Variants in CDH12 observed in about 807,000 individuals in gnomAD.
The protein encoded by CDH12 is cadherin-12.
A neutral mutation model predicts 74.1 loss-of-function variants in CDH12; 41 were observed. That is an observed-to-expected ratio of 0.55 (90% CI 0.43 to 0.72). CDH12 has a LOEUF of 0.72. Among genes scored for constraint, CDH12 ranks in the 30% least tolerant of loss-of-function variants. CDH12 has a pLI of 0.00. For synonymous variants in CDH12, 399 were observed against 355.0 expected, an observed-to-expected ratio of 1.12 and a Z score of -1.39; for missense variants, 945 against 977.2, an observed-to-expected ratio of 0.97 and a Z score of 0.44.
chr5:22,645,396 G>C (rs1739385104), intron 1 of CDH12, among the ~76,000 whole-genome samples: 1 of 152,080 alleles, frequency 6.6e-6, no homozygotes, highest in Non-Finnish European at 1.5e-5. Context: ...AATTAGAAGT[G>C]AAGCTGAATG....
intron 5 of CDH12, among the ~76,000 whole-genome samples, chr5:22,015,124 G>A (rs961634564): frequency 6.6e-6 from 1 of 152,168 alleles, no homozygotes; most frequent in African/African-American, 2.4e-5. Context: ...TAATTGTGAA[G>A]CAATCAGTTT....
chr5:22,472,359 C>T (rs1000945794), intron 2 of CDH12, among the ~76,000 whole-genome samples: 1 of 152,082 alleles, frequency 6.6e-6, no homozygotes, highest in Non-Finnish European at 1.5e-5. Flanking sequence ...GATGAGTCTG[C>T]AGATCCTTCC....
intron 1 of CDH12, among the ~76,000 whole-genome samples, chr5:22,836,122 G>A (rs1274354911): frequency 6.6e-6 from 1 of 151,098 alleles, no homozygotes; most frequent in African/African-American, 2.4e-5. Context: ...TAGTGCAAGA[G>A]GATTTGGACA....
intron 1 of CDH12, among the ~76,000 whole-genome samples, chr5:22,662,359 G>T (rs1419224752): frequency 6.6e-6 from 1 of 152,128 alleles, no homozygotes; most frequent in Non-Finnish European, 1.5e-5. Flanking sequence ...GTGGAGTGGA[G>T]GCTGCCTGGA....
chr5:22,745,402 C>A (rs1158630474), intron 1 of CDH12, among the ~76,000 whole-genome samples: 1 of 152,072 alleles, frequency 6.6e-6, no homozygotes, highest in Admixed American at 6.5e-5. Flanking sequence ...TTTGACCCAG[C>A]AATCCTGTTA....
At chr5:22,187,643 C>A (rs1174015879) in intron 4 of CDH12, among the ~76,000 whole-genome samples, 2 of 143,922 alleles carry the variant, frequency 1.4e-5, no homozygotes, top group Non-Finnish European at 3.0e-5. Context: ...AGAACATCGA[C>A]CTTGAAAGAG....
chr5:21,819,589 C>A (rs1331075279), intron 8 of CDH12, among the ~76,000 whole-genome samples: 6 of 151,810 alleles, frequency 4.0e-5, no homozygotes, highest in African/African-American at 7.3e-5. Flanking sequence ...TAGAAAAAGT[C>A]TAAATTTTTT....
At chr5:22,310,162 T>TAAC (rs1191230968) in intron 3 of CDH12, among the ~76,000 whole-genome samples, 6 of 151,282 alleles carry the variant, frequency 4.0e-5, no homozygotes, top group Admixed American at 6.6e-5. Flanking sequence ...AAAACAACAA[T>TAAC]AACAACAACA....
chr5:22,310,149 T>C (rs1399882180), intron 3 of CDH12, among the ~76,000 whole-genome samples: 1 of 151,694 alleles, frequency 6.6e-6, no homozygotes, highest in Non-Finnish European at 1.5e-5. Context: ...TAAAGTATAA[T>C]AAAAAACAAC....
chr5:21,971,692 G>A (rs973781652), intron 6 of CDH12, among the ~76,000 whole-genome samples: 4 of 152,114 alleles, frequency 2.6e-5, no homozygotes, highest in African/African-American at 9.7e-5. Context: ...AGATATTAAA[G>A]AGGGTACATT....
chr5:22,204,254 G>A (rs7444344), intron 4 of CDH12, among the ~76,000 whole-genome samples: 1 of 151,726 alleles, frequency 6.6e-6, no homozygotes, highest in East Asian at 1.9e-4. Context: ...CTCCGCCTCG[G>A]GGTTCACGCC....
At chr5:21,923,912 T>C (rs772468933) in intron 6 of CDH12, among the ~76,000 whole-genome samples, 2 of 152,170 alleles carry the variant, frequency 1.3e-5, no homozygotes, top group Non-Finnish European at 2.9e-5. Flanking sequence ...GGTAAATTAT[T>C]GGAACATGCA....
chr5:22,787,138 CCA>C (rs147255137), intron 1 of CDH12, among the ~76,000 whole-genome samples: 51 of 148,278 alleles, frequency 3.4e-4, no homozygotes, highest in Non-Finnish European at 4.7e-4. Flanking sequence ...CACACACACA[CCA>C]CACACACACA....
rs1490442260 is a variant in CDH12, at chr5:22,566,165, T to C, written c.-522-60801A>G. ...TATCGTAAGGGCCTGTCACCAGGCA[T>C]ACATATTAAAGTAAATACCTGAGAT... On this transcript the variant is annotated intron_variant, in intron 1 of 14. Coordinates refer to ENST00000382254, the MANE Select transcript of CDH12 (RefSeq NM_004061.5). Among the ~76,000 whole-genome samples the C allele has an allele frequency of 2.0e-5, 3 of 152,078 alleles. 1 individual carries two copies. The highest frequency in any genetic ancestry group is 1.5e-5 in the Non-Finnish European group (1 of 68,000).
chr5:22,086,222 C>T (rs935028305), intron 4 of CDH12, among the ~76,000 whole-genome samples: 14 of 152,284 alleles, frequency 9.2e-5, no homozygotes, highest in African/African-American at 2.2e-4. Context: ...ATGATCTTAA[C>T]TTATGGGGTT....
chr5:22,069,809 T>C (rs545235784), intron 5 of CDH12, among the ~76,000 whole-genome samples: 4 of 152,304 alleles, frequency 2.6e-5, no homozygotes, highest in South Asian at 4.1e-4. Flanking sequence ...GCACCCCTTA[T>C]ATTACCTTGC....
chr5:22,547,234 G>C (rs1440107699), intron 1 of CDH12, among the ~76,000 whole-genome samples: 1 of 152,144 alleles, frequency 6.6e-6, no homozygotes, highest in African/African-American at 2.4e-5. Context: ...TGAATGTCCA[G>C]TTCAATATTT....
intron 3 of CDH12, among the ~76,000 whole-genome samples, chr5:22,397,516 G>A (rs1261397): frequency 0.67 from 100,122 of 149,650 alleles, 34,199 homozygotes; most frequent in East Asian, 0.78. Flanking sequence ...ACGTATCATT[G>A]GCTTAATGGA....
intron 3 of CDH12, among the ~76,000 whole-genome samples, chr5:22,276,538 T>C (rs1293993291): frequency 1.3e-5 from 2 of 152,230 alleles, no homozygotes; most frequent in African/African-American, 4.8e-5. Flanking sequence ...ATGTACCATG[T>C]ATGTGATGTG....
Sources: gnomAD v4.1 joint callset for allele counts (sites outside exome capture counted in the v4.1 genomes callset) on GRCh38, gnomAD v4.1.1 for gene constraint, MANE v1.5 for transcripts, NCBI Gene and HGNC (gene_info 2026-07-23, HGNC 2026-07-21) for gene names.